CA5B: variants seen among roughly 807,000 people sequenced by gnomAD.
The protein encoded by CA5B is carbonic anhydrase 5B, mitochondrial.
A neutral mutation model predicts 23.1 loss-of-function variants in CA5B; 15 were observed. The observed-to-expected ratio is 0.65, with a 90% CI of 0.43 to 1.00. The LOEUF is 1.00. CA5B is among the 50% of genes least tolerant of loss of function. The pLI is 0.00. For missense variants in CA5B, 236 were observed against 252.2 expected, an observed-to-expected ratio of 0.94 and a Z score of 0.43; for synonymous variants, 84 against 98.5, an observed-to-expected ratio of 0.85 and a Z score of 0.87.
chrX:15,746,108 T>C (rs1333281426), intron 1 of CA5B, among the ~76,000 whole-genome samples: 2 of 89,061 alleles, frequency 2.2e-5, no homozygotes, highest in Non-Finnish European at 4.1e-5. Flanking sequence ...TGCAGTGGCA[T>C]GATCTCGGCT....
At chrX:15,777,977 G>C (rs905700052) in intron 7 of CA5B, among the ~76,000 whole-genome samples, 1 of 111,369 alleles carries the variant, frequency 9.0e-6, no homozygotes, top group African/African-American at 3.2e-5. Context: ...AATAAAAAAC[G>C]ACTACAAAAA....
At chrX:15,740,257 G>A (rs192364031) in intron 1 of CA5B, among the ~76,000 whole-genome samples, 119 of 112,146 alleles carry the variant, frequency 1.1e-3, no homozygotes, top group African/African-American at 3.1e-3. Flanking sequence ...CTTATGTACG[G>A]ACAGATTCTC....
intron 1 of CA5B, among the ~76,000 whole-genome samples, chrX:15,741,511 G>A (rs905150115): frequency 1.3e-4 from 14 of 108,663 alleles, no homozygotes; most frequent in African/African-American, 4.4e-4. Context: ...ACAGTGTCTT[G>A]CTGTGTCGCC....
At chrX:15,762,991 T>A (rs1931635483) in intron 2 of CA5B, 1 of 312,069 alleles carries the variant, frequency 3.2e-6, no homozygotes, top group African/African-American at 2.7e-5. Flanking sequence ...ATCAGCAATG[T>A]CTTCAGTGCC....
At chrX:15,742,858 C>T (rs1931150487) in intron 1 of CA5B, among the ~76,000 whole-genome samples, 1 of 112,198 alleles carries the variant, frequency 8.9e-6, no homozygotes, top group Non-Finnish European at 1.9e-5. Flanking sequence ...GTTGTAACAA[C>T]TCTGGTATAG....
chrX:15,775,590 G>A, intron 6 of CA5B: 6 of 835,260 alleles, frequency 7.2e-6, no homozygotes, highest in Non-Finnish European at 8.7e-6. Flanking sequence ...CTAAGTCCTT[G>A]TGAACACACC....
chrX:15,753,766 A>T (rs1931430518), intron 2 of CA5B, among the ~76,000 whole-genome samples: 1 of 111,645 alleles, frequency 9.0e-6, no homozygotes, highest in Non-Finnish European at 1.9e-5. Flanking sequence ...AAAATTAGCC[A>T]GGTGTGGTGG....
At chrX:15,767,404 A>ATT (rs1471731788) in intron 3 of CA5B, among the ~76,000 whole-genome samples, 7 of 101,439 alleles carry the variant, frequency 6.9e-5, no homozygotes, top group African/African-American at 2.2e-4. Flanking sequence ...AGATTCTAGA[A>ATT]TTTTTTTTTT....
intron 7 of CA5B, 72 bp from the exon 8 acceptor site, chrX:15,782,413 G>A: frequency 1.0e-6 from 1 of 969,133 alleles, no homozygotes; most frequent in Non-Finnish European, 1.4e-6. Context: ...TTGTAAAAAT[G>A]AAAGTAATTT....
At chrX:15,743,506 T>C (rs991856425) in intron 1 of CA5B, among the ~76,000 whole-genome samples, 1 of 112,153 alleles carries the variant, frequency 8.9e-6, no homozygotes, top group African/African-American at 3.2e-5. Flanking sequence ...TTAATAGATG[T>C]TCAATTGATA....
chrX:15,754,398 G>A (rs1001955079), intron 2 of CA5B, among the ~76,000 whole-genome samples: 29 of 112,501 alleles, frequency 2.6e-4, no homozygotes, highest in South Asian at 1.5e-3. Flanking sequence ...AATAAGGAGT[G>A]AATGAAAGTA....
chrX:15,772,213 A>G (rs1413600975), intron 3 of CA5B, among the ~76,000 whole-genome samples: 1 of 112,622 alleles, frequency 8.9e-6, no homozygotes, highest in Non-Finnish European at 1.9e-5. Flanking sequence ...ATTGCACACA[A>G]AAGAAAACTG....
intron 7 of CA5B, among the ~76,000 whole-genome samples, chrX:15,781,457 A>T (rs1049188690): frequency 5.3e-5 from 6 of 112,270 alleles, no homozygotes; most frequent in Non-Finnish European, 1.9e-5. Flanking sequence ...TAAATACATT[A>T]AAAATAAAAT....
intron 1 of CA5B, among the ~76,000 whole-genome samples, chrX:15,744,224 C>T (rs1271645996): frequency 1.8e-5 from 2 of 112,895 alleles, no homozygotes; most frequent in African/African-American, 6.4e-5. Flanking sequence ...TGGCCCTGGC[C>T]GTCAGCCCCA....
At chrX:15,744,138 C>T (rs779893319) in intron 1 of CA5B, among the ~76,000 whole-genome samples, 2 of 112,632 alleles carry the variant, frequency 1.8e-5, no homozygotes, top group African/African-American at 6.4e-5. Context: ...CTAGGCCAGG[C>T]GTCATTGGCC....
chrX:15,739,664 G>A (rs1173229750), intron 1 of CA5B, among the ~76,000 whole-genome samples: 3 of 111,355 alleles, frequency 2.7e-5, no homozygotes, highest in Non-Finnish European at 5.6e-5. Flanking sequence ...GACGGAAAGG[G>A]GAAAATGCAT....
chrX:15,778,092 T>A (rs891744826), intron 7 of CA5B, among the ~76,000 whole-genome samples: 10 of 111,635 alleles, frequency 9.0e-5, no homozygotes, highest in African/African-American at 3.2e-4. Context: ...TATAAAGATA[T>A]AATGTAAGAA....
rs1483732179 is a variant in CA5B at position 15,786,646 on chromosome X, A to T, written c.*3982A>T. 1.1e-5 allele frequency: 1 copy of T among 87,499 alleles called. No individual in the cohort carries two copies. The highest frequency in any genetic ancestry group is 2.3e-5 in the Non-Finnish European group (1 of 43,686). The allele number at this position is 87,499 out of a possible 1,213,427, so 7.2% of individuals were successfully genotyped here. A position where few individuals can be genotyped will look rare whatever the true frequency, so the allele number is the denominator to read the frequency against. The stretch of plus-strand genomic sequence containing the variant: ...CTTTACAGTATTAGTGGTTGGTGAA[A>T]GACTTCCTTCCTATTGTTACAGTAT... On this transcript the variant is annotated 3_prime_UTR_variant, in exon 8 of 8. Transcript: ENST00000318636.
chrX:15,761,413 A>G (rs1403699975), intron 2 of CA5B, among the ~76,000 whole-genome samples: 1 of 112,191 alleles, frequency 8.9e-6, no homozygotes. Flanking sequence ...CATTCTAATT[A>G]GATTATGACA....
Sources: gnomAD v4.1 joint callset for allele counts (sites outside exome capture counted in the v4.1 genomes callset) on GRCh38, gnomAD v4.1.1 for gene constraint, MANE v1.5 for transcripts, NCBI Gene and HGNC (gene_info 2026-07-23, HGNC 2026-07-21) for gene names.